PHACTR1: variants seen among roughly 807,000 people sequenced by gnomAD.
The protein encoded by PHACTR1 is phosphatase and actin regulator 1, also known as RPEL repeat containing 1.
In PHACTR1, 16 loss-of-function variants were observed where a neutral mutation model predicts 69.2. The ratio of observed to expected loss-of-function variants is 0.23; its 90% CI spans 0.16 to 0.35. The LOEUF is 0.35. Among genes scored for constraint, PHACTR1 ranks in the 10% least tolerant of loss-of-function variants. PHACTR1 has a pLI of 1.00. For synonymous variants in PHACTR1, 312 were observed against 284.5 expected (o/e 1.10, Z -0.97); for missense variants, 510 against 734.7 (o/e 0.69, Z 3.54).
At chr6:12,790,743 G>C (rs562481366) in intron 4 of PHACTR1, among the ~76,000 whole-genome samples, 17 of 152,298 alleles carry the variant, frequency 1.1e-4, no homozygotes, top group Admixed American at 2.6e-4. Context: ...GTTTGGGAAA[G>C]GATTAGAATC....
chr6:12,772,075 C>T lies in PHACTR1; in HGVS notation c.250+22285C>T, dbSNP rs187216606. 3.3e-5 allele frequency among the ~76,000 whole-genome samples: 5 copies of T among 152,248 alleles called. No homozygotes were observed. The East Asian group carries it at 9.7e-4, about 29-fold the overall frequency. The stretch of plus-strand genomic sequence containing the variant: ...AAGTAGAGGCACTAAAAGTTGATTT[C>T]CCATTCCAGGACATTGGCTGTGAGT... On this transcript the variant is annotated intron_variant, in intron 4 of 14. Coordinates refer to ENST00000332995, the MANE Select transcript of PHACTR1 (RefSeq NM_030948.6).
chr6:12,997,325 T>C (rs1445937746), intron 4 of PHACTR1, among the ~76,000 whole-genome samples: 2 of 147,760 alleles, frequency 1.4e-5, no homozygotes, highest in Non-Finnish European at 3.0e-5. Context: ...TATAAGTAAA[T>C]ATATTTTATA....
chr6:13,080,341 A>C (rs758572970), intron 5 of PHACTR1, among the ~76,000 whole-genome samples: 69 of 152,268 alleles, frequency 4.5e-4, no homozygotes, highest in Non-Finnish European at 7.6e-4. Flanking sequence ...AGTCTTGTTG[A>C]GCATGAACTT....
intron 4 of PHACTR1, among the ~76,000 whole-genome samples, chr6:12,750,550 A>AG (rs1188878079): frequency 8.5e-6 from 1 of 117,174 alleles, no homozygotes; most frequent in Non-Finnish European, 1.7e-5. Flanking sequence ...GAAGGAAGGA[A>AG]GGGGGGAAGG....
At chr6:13,090,942 A>G (rs956300047) in intron 5 of PHACTR1, among the ~76,000 whole-genome samples, 10 of 151,982 alleles carry the variant, frequency 6.6e-5, no homozygotes, top group Middle Eastern at 3.4e-3. Context: ...ATATAATGAA[A>G]TAATTATACA....
At chr6:12,989,375 G>A (rs1407946473) in intron 4 of PHACTR1, among the ~76,000 whole-genome samples, 2 of 152,190 alleles carry the variant, frequency 1.3e-5, no homozygotes, top group Non-Finnish European at 2.9e-5. Flanking sequence ...AGGGTAGAAT[G>A]AATAACTTTG....
intron 4 of PHACTR1, among the ~76,000 whole-genome samples, chr6:12,859,012 C>T (rs1215358755): frequency 6.6e-6 from 1 of 152,140 alleles, no homozygotes. Flanking sequence ...TTAATCAAGA[C>T]CAGACAATTA....
rs777249947 is a variant in PHACTR1, at chr6:12,831,002, G to A, written c.250+81212G>A. On this transcript the variant is annotated intron_variant, in intron 4 of 14. Transcript: ENST00000332995. ...TAGTGGCGAAGTCTTGGCTTTTAGAGTAACTATCAACTGAACTGTGTGCCT... is the reference window on the plus strand; with the variant it reads ...TAGTGGCGAAGTCTTGGCTTTTAGAATAACTATCAACTGAACTGTGTGCCT... Among the ~76,000 whole-genome samples, 97 of 152,272 alleles carry A rather than the reference G, an allele frequency of 6.4e-4. 1 individual carries two copies. The highest frequency in any genetic ancestry group is 6.8e-3 in the Middle Eastern group (2 of 294).
chr6:12,958,899 G>C (rs1792253412), intron 4 of PHACTR1, among the ~76,000 whole-genome samples: 1 of 152,142 alleles, frequency 6.6e-6, no homozygotes, highest in East Asian at 1.9e-4. Context: ...AAGAGGGGTC[G>C]GGCACGGTGG....
At chr6:12,718,663 T>C in intron 2 of PHACTR1, 36 bp from the exon 3 acceptor site, 1 of 612,936 alleles carries the variant, frequency 1.6e-6, no homozygotes. Flanking sequence ...ATACTTGACG[T>C]CTAAAATATT....
At position 12,919,836 on chromosome 6, in the gene PHACTR1, C is replaced by T. The variant is rs73726218; in HGVS notation, c.251-133529C>T. On this transcript the variant is annotated intron_variant, in intron 4 of 14. Transcript: ENST00000332995. ...CTTTTGCGTCTTTTGTTTTTATTCC[C>T]GGAATCCAGCACTGTGCCTAGGACT... Among the ~76,000 whole-genome samples the T allele has an allele frequency of 3.4e-3, 525 of 152,190 alleles. 3 individuals carry two copies. The highest frequency in any genetic ancestry group is 0.012 in the African/African-American group (507 of 41,522).
At chr6:12,810,503 G>A (rs775710211) in intron 4 of PHACTR1, among the ~76,000 whole-genome samples, 5 of 152,200 alleles carry the variant, frequency 3.3e-5, no homozygotes, top group African/African-American at 9.7e-5. Context: ...CTCAGTGGAT[G>A]GGGTTTCTGG....
intron 5 of PHACTR1, among the ~76,000 whole-genome samples, chr6:13,146,568 G>A (rs771332901): frequency 6.6e-6 from 1 of 152,200 alleles, no homozygotes; most frequent in Non-Finnish European, 1.5e-5. Flanking sequence ...AAGCCGCCAA[G>A]CAGGCAAGCT....
chr6:12,868,730 T>C (rs1373192567), intron 4 of PHACTR1, among the ~76,000 whole-genome samples: 3 of 152,140 alleles, frequency 2.0e-5, no homozygotes, highest in African/African-American at 7.2e-5. Flanking sequence ...CAGAGGATCA[T>C]AGAAAGAGTG....
intron 4 of PHACTR1, among the ~76,000 whole-genome samples, chr6:12,998,586 G>C (rs974690612): frequency 1.3e-5 from 2 of 149,786 alleles, no homozygotes; most frequent in African/African-American, 5.0e-5. Flanking sequence ...ACTGCACTCT[G>C]GCCTGGGCGA....
At chr6:12,813,758 G>T (rs929435574) in intron 4 of PHACTR1, among the ~76,000 whole-genome samples, 6 of 152,182 alleles carry the variant, frequency 3.9e-5, no homozygotes, top group African/African-American at 9.7e-5. Flanking sequence ...AACACTAGGC[G>T]CAAGTCACCA....
intron 4 of PHACTR1, among the ~76,000 whole-genome samples, chr6:12,784,957 C>T (rs905153707): frequency 1.1e-4 from 16 of 151,848 alleles, no homozygotes; most frequent in Non-Finnish European, 2.1e-4. Context: ...GATCCGCCCA[C>T]CTCAGCCTCC....
intron 4 of PHACTR1, among the ~76,000 whole-genome samples, chr6:12,814,131 A>T (rs1775319427): frequency 6.6e-6 from 1 of 152,144 alleles, no homozygotes; most frequent in Non-Finnish European, 1.5e-5. Flanking sequence ...CATGTCCCCT[A>T]AGGAAGCAGC....
intron 4 of PHACTR1, among the ~76,000 whole-genome samples, chr6:12,893,552 G>C (rs996068230): frequency 6.6e-6 from 1 of 151,924 alleles, no homozygotes; most frequent in African/African-American, 2.4e-5. Flanking sequence ...TATTTTGGGG[G>C]GGTCCTTCTT....
Sources: allele counts gnomAD v4.1 joint callset (sites outside exome capture counted in the v4.1 genomes callset), GRCh38; gene constraint gnomAD v4.1.1; transcripts MANE v1.5; gene names NCBI Gene and HGNC (gene_info 2026-07-23, HGNC 2026-07-21).